The following PCGF3 variants were observed in gnomAD, a reference collection of about 807,000 sequenced individuals.
PCGF3 encodes the protein polycomb group ring finger 3, also known as polycomb group RING finger protein 3.
PCGF3 carries 7 observed loss-of-function variants against 33.1 expected under a neutral mutation model. The observed-to-expected ratio is 0.21, with a 90% CI of 0.12 to 0.40. PCGF3 has a LOEUF of 0.40. PCGF3 is among the 10% of genes least tolerant of loss of function. The probability of loss-of-function intolerance (pLI) is 1.00; values close to 1 mark genes in which losing one functional copy is unlikely to be tolerated. For missense variants in PCGF3, 211 were observed against 313.3 expected (o/e 0.67, Z 2.46); for synonymous variants, 153 against 121.3 (o/e 1.26, Z -1.72).
intron 4 of PCGF3, chr4:734,111 G>A (rs1743735713): frequency 1.3e-6 from 2 of 1,550,572 alleles, no homozygotes; most frequent in Non-Finnish European, 1.7e-6. Context: ...CTCCAGAGGA[G>A]TTCCTTAGAT....
At chr4:730,073 C>G (rs1055826977) in intron 1 of PCGF3, among the ~76,000 whole-genome samples, 7 of 146,494 alleles carry the variant, frequency 4.8e-5, no homozygotes, top group Non-Finnish European at 9.1e-5. Flanking sequence ...CCCAGGTGCC[C>G]TCCCTGTCCT....
intron 1 of PCGF3, among the ~76,000 whole-genome samples, chr4:716,435 C>T (rs1220322469): frequency 6.8e-5 from 7 of 103,364 alleles, no homozygotes; most frequent in South Asian, 3.4e-4. Context: ...GAGAACTGGG[C>T]GTCGGTGCTG....
intron 1 of PCGF3, among the ~76,000 whole-genome samples, chr4:723,129 G>C (rs1020161908): frequency 6.9e-6 from 1 of 145,074 alleles, no homozygotes; most frequent in Admixed American, 6.9e-5. Flanking sequence ...TCCGTGCCGG[G>C]TCCACACTCA....
In PCGF3 at chr4:721,379, A is replaced by G. The variant is rs1743067966; in HGVS notation, c.-189-9251A>G. Reference sequence around the variant, plus strand: ...TGGCAGAAGAAAATGTGCCCCAGGCATGGGCTTGTGATGCCGGCTCTTCCT... The same window carrying G: ...TGGCAGAAGAAAATGTGCCCCAGGCGTGGGCTTGTGATGCCGGCTCTTCCT... On this transcript the variant is annotated intron_variant, in intron 1 of 10. Coordinates refer to ENST00000362003, the Ensembl canonical transcript of PCGF3. The surrounding 1 kb of genome is among the most constrained non-coding windows in gnomAD (Gnocchi z 4.1). 6.6e-6 allele frequency among the ~76,000 whole-genome samples: 1 copy of G among 152,144 alleles called. No homozygotes were observed. Among genetic ancestry groups the G allele is most frequent in the African/African-American group, 2.4e-5 (1 of 41,428 alleles).
chr4:726,355 C>T (rs944335605), intron 1 of PCGF3, among the ~76,000 whole-genome samples: 8 of 152,306 alleles, frequency 5.3e-5, no homozygotes, highest in Non-Finnish European at 1.0e-4. Context: ...CAACGAGCAG[C>T]GCTGTGTGCT....
At chr4:734,100 T>C in intron 4 of PCGF3, 1 of 1,550,628 alleles carries the variant, frequency 6.4e-7, no homozygotes, top group South Asian at 1.2e-5. Context: ...AGTTTCCAAA[T>C]CTCCAGAGGA....
chr4:722,630 G>GC (rs35232439), intron 1 of PCGF3, among the ~76,000 whole-genome samples: 5 of 115,046 alleles, frequency 4.3e-5, no homozygotes, highest in Non-Finnish European at 7.3e-5. Flanking sequence ...CTCAGTCATC[G>GC]CCGTCCGCGC....
At chr4:737,653 C>A in intron 6 of PCGF3, 132 bp downstream of exon 6, 1 of 656,256 alleles carries the variant, frequency 1.5e-6, no homozygotes, top group Non-Finnish European at 2.7e-6. Context: ...CTCATCCCTG[C>A]TCTCAGCCCA....
chr4:721,374 C>G lies in PCGF3; in HGVS notation c.-189-9256C>G, dbSNP rs1303695775. On this transcript the variant is annotated intron_variant, in intron 1 of 10. Transcript: ENST00000362003. This position sits in a 1 kb window ranked among gnomAD's most constrained non-coding sequence, Gnocchi z 4.1. ...ATGGGTGGCAGAAGAAAATGTGCCC[C>G]AGGCATGGGCTTGTGATGCCGGCTC... Among the ~76,000 whole-genome samples, 1 of 152,092 alleles carries G rather than the reference C, an allele frequency of 6.6e-6. No individual in the cohort carries two copies. Among genetic ancestry groups the G allele is most frequent in the Non-Finnish European group, 1.5e-5 (1 of 68,016 alleles).
chr4:744,422 C>A (rs932806962), intron 7 of PCGF3, among the ~76,000 whole-genome samples, 178 bp from the exon 8 acceptor site: 2 of 152,254 alleles, frequency 1.3e-5, no homozygotes, highest in African/African-American at 4.8e-5. Context: ...GTTCTGCATC[C>A]TGGGGAGACC....
intron 1 of PCGF3, among the ~76,000 whole-genome samples, chr4:708,526 C>G (rs1373466437): frequency 1.3e-5 from 2 of 152,188 alleles, no homozygotes; most frequent in Non-Finnish European, 2.9e-5. Context: ...CATGAACCGC[C>G]TAGGTGATAC....
intron 1 of PCGF3, among the ~76,000 whole-genome samples, chr4:712,756 A>G (rs993051600): frequency 6.6e-6 from 1 of 152,192 alleles, no homozygotes; most frequent in African/African-American, 2.4e-5. Flanking sequence ...AATAAACTCT[A>G]ATATTTAGGT....
chr4:716,507 G>T (rs1374961974), intron 1 of PCGF3, among the ~76,000 whole-genome samples: 1 of 122,460 alleles, frequency 8.2e-6, no homozygotes, highest in Non-Finnish European at 1.7e-5. Flanking sequence ...TGTGGACACT[G>T]CGAGTGTGAG....
exon 11 of PCGF3, chr4:769,594 G>A (rs1745534054): frequency 6.6e-6 from 1 of 152,628 alleles, no homozygotes; most frequent in African/African-American, 2.4e-5. Context: ...ACAGGGTGCG[G>A]GCAATGGCCA....
chr4:744,727 G>C (rs12645284), intron 8 of PCGF3, 39 bp downstream of exon 8: 1 of 532,802 alleles, frequency 1.9e-6, no homozygotes. Context: ...GTTAGTGTTC[G>C]CCGTGGAGGC....
At chr4:762,183 C>G (rs1489174706) in intron 9 of PCGF3, 2 of 695,526 alleles carry the variant, frequency 2.9e-6, no homozygotes, top group African/African-American at 1.9e-5. Flanking sequence ...GGAAAAGGAT[C>G]TTTGTAGATA....
chr4:712,177 G>A (rs1486760925), intron 1 of PCGF3, among the ~76,000 whole-genome samples: 1 of 151,940 alleles, frequency 6.6e-6, no homozygotes, highest in East Asian at 1.9e-4. Flanking sequence ...AAAAATGTGA[G>A]GCCTTAAGAA....
chr4:716,725 A>T, intron 1 of PCGF3, among the ~76,000 whole-genome samples: 1 of 136,500 alleles, frequency 7.3e-6, no homozygotes, highest in Non-Finnish European at 1.6e-5. Flanking sequence ...GAAGACACTG[A>T]GTGTGAGAAC....
intron 9 of PCGF3, among the ~76,000 whole-genome samples, chr4:763,003 G>A (rs62294073): frequency 6.6e-6 from 1 of 152,026 alleles, no homozygotes; most frequent in African/African-American, 2.4e-5. Context: ...CAGAGCAGAG[G>A]CTGTCAGGTC....
Sources: gnomAD v4.1 joint callset for allele counts (sites outside exome capture counted in the v4.1 genomes callset) on GRCh38, gnomAD v4.1.1 for gene constraint, Gnocchi (gnomAD v3.1) non-coding constraint, MANE v1.5 for transcripts, NCBI Gene and HGNC (gene_info 2026-07-23, HGNC 2026-07-21) for gene names.